NFATC2: variants seen among roughly 807,000 people sequenced by gnomAD.
NFATC2 encodes nuclear factor of activated T cells 2.
NFATC2 carries 22 observed loss-of-function variants against 87.3 expected under a neutral mutation model. That is an observed-to-expected ratio of 0.25 (90% confidence interval 0.18 to 0.36). The LOEUF is 0.36. Ranked by LOEUF, NFATC2 falls within the 10% of genes least tolerant of loss-of-function variation. NFATC2 has a pLI of 1.00. For synonymous variants in NFATC2, 565 were observed against 542.2 expected (o/e 1.04, Z -0.58); for missense variants, 1,149 against 1,259.1 (o/e 0.91, Z 1.32).
intron 3 of NFATC2, among the ~76,000 whole-genome samples, chr20:51,495,026 G>A (rs975684730): frequency 1.3e-5 from 2 of 152,168 alleles, no homozygotes; most frequent in African/African-American, 4.8e-5. Flanking sequence ...GCCTCCAGGT[G>A]GGGGCAAAGT....
chr20:51,426,339 G>A (rs535448691), intron 9 of NFATC2, among the ~76,000 whole-genome samples: 1 of 152,138 alleles, frequency 6.6e-6, no homozygotes, highest in Non-Finnish European at 1.5e-5. Flanking sequence ...TTAGCCAGGC[G>A]TGCTGGCAGG....
chr20:51,555,900 C>G (rs2076974295), intron 1 of NFATC2, among the ~76,000 whole-genome samples: 1 of 152,212 alleles, frequency 6.6e-6, no homozygotes, highest in Non-Finnish European at 1.5e-5. Context: ...CCTCCTGACC[C>G]TACCAAAAAA....
intron 1 of NFATC2, among the ~76,000 whole-genome samples, chr20:51,532,541 A>T (rs1254791770): frequency 6.6e-6 from 1 of 152,078 alleles, no homozygotes; most frequent in African/African-American, 2.4e-5. Flanking sequence ...CCCAGGATTG[A>T]GTCAAAGATT....
chr20:51,398,947 G>T, intron 9 of NFATC2: 1 of 529,664 alleles, frequency 1.9e-6, no homozygotes, highest in Non-Finnish European at 3.4e-6. Flanking sequence ...TCTGTGCAAA[G>T]TGCATTACAT....
At position 51,440,795 on chromosome 20, in the gene NFATC2, T is replaced by A. The variant is rs1249245304; in HGVS notation, c.1850-5034A>T. ...GTCTTTCTTGATTTTATGCAGCACG[T>A]GCAAGACACACTCCAGGAGGCTGGT... On this transcript the variant is annotated intron_variant, in intron 6 of 10. Coordinates refer to ENST00000371564, the MANE Select transcript of NFATC2 (RefSeq NM_012340.5). Among the ~76,000 whole-genome samples, 3 of 152,196 alleles carry A rather than the reference T, an allele frequency of 2.0e-5. No individual in the cohort carries two copies. The East Asian group carries it at 5.8e-4, about 29-fold the overall frequency.
intron 5 of NFATC2, among the ~76,000 whole-genome samples, chr20:51,461,224 C>T (rs1987112509): frequency 6.6e-6 from 1 of 152,190 alleles, no homozygotes; most frequent in Admixed American, 6.5e-5. Context: ...GGGTGGGAGG[C>T]TCTAAGGAAG....
chr20:51,405,937 C>T (rs1448439476), intron 9 of NFATC2, among the ~76,000 whole-genome samples: 7 of 152,310 alleles, frequency 4.6e-5, no homozygotes, highest in South Asian at 4.2e-4. Flanking sequence ...CCACCATGCC[C>T]GGCTAAACTT....
intron 3 of NFATC2, among the ~76,000 whole-genome samples, chr20:51,497,171 T>G (rs1315653846): frequency 6.6e-6 from 1 of 152,096 alleles, no homozygotes; most frequent in Non-Finnish European, 1.5e-5. Flanking sequence ...AAGTCTAACT[T>G]CTACCAAACC....
rs1362575265 is a variant in NFATC2, at chr20:51,542,586, C to T, written c.-87G>A. 8.0e-6 allele frequency: 10 copies of T among 1,247,334 alleles called. No individual in the cohort carries two copies. Among genetic ancestry groups the T allele is most frequent in the Non-Finnish European group, 1.0e-5 (10 of 991,734 alleles). 77.3% of individuals were successfully genotyped at this position (1,247,334 alleles called of 1,614,324 possible). A position where few individuals can be genotyped will look rare whatever the true frequency, so the allele number is the denominator to read the frequency against. On this transcript the variant is annotated 5_prime_UTR_variant, in exon 1 of 11. Coordinates refer to ENST00000371564, the MANE Select transcript of NFATC2 (RefSeq NM_012340.5). ...CCCCTCGCAGTGGGGCTGGCGGAGG[C>T]GGCTCGAGCGGCGGGGTCCCTTTCC...
chr20:51,477,893 A>C (rs1988894277), intron 3 of NFATC2, among the ~76,000 whole-genome samples: 1 of 152,174 alleles, frequency 6.6e-6, no homozygotes, highest in South Asian at 2.1e-4. Flanking sequence ...ATTAAGTAAA[A>C]TTGAAAATTC....
At chr20:51,483,354 A>AT (rs11481837) in intron 3 of NFATC2, among the ~76,000 whole-genome samples, 152,232 of 152,232 alleles carry the variant, frequency 1, 76,116 homozygotes, top group Non-Finnish European at 1. Flanking sequence ...GTTAAGTAGC[A>AT]TTTTGTTGAA....
chr20:51,550,708 C>T (rs1271562196), intron 1 of NFATC2, among the ~76,000 whole-genome samples: 2 of 152,116 alleles, frequency 1.3e-5, no homozygotes, highest in African/African-American at 4.8e-5. Flanking sequence ...TTACAGTCAC[C>T]TACGCAATTG....
chr20:51,443,462 C>T (rs1229426179), intron 6 of NFATC2, among the ~76,000 whole-genome samples: 2 of 152,188 alleles, frequency 1.3e-5, no homozygotes, highest in Admixed American at 6.5e-5. Context: ...CCTCTCCAGC[C>T]GCAGGACCCT....
chr20:51,469,386 C>T (rs1284338345), intron 5 of NFATC2, among the ~76,000 whole-genome samples: 1 of 152,134 alleles, frequency 6.6e-6, no homozygotes, highest in African/African-American at 2.4e-5. Context: ...ATGCTCTGGG[C>T]AGAGGTGACA....
intron 3 of NFATC2, among the ~76,000 whole-genome samples, chr20:51,486,804 C>T (rs74409041): frequency 1.5e-3 from 233 of 152,154 alleles, no homozygotes; most frequent in African/African-American, 5.0e-3. Context: ...GAACAGAATC[C>T]CTACGTTTGG....
chr20:51,499,876 C>G (rs2076050777), intron 3 of NFATC2, among the ~76,000 whole-genome samples: 1 of 152,106 alleles, frequency 6.6e-6, no homozygotes, highest in Admixed American at 6.6e-5. Flanking sequence ...ATAGTAGAAC[C>G]CAATTCATGG....
intron 7 of NFATC2, 123 bp downstream of exon 7, chr20:51,435,583 G>T: frequency 1.9e-6 from 2 of 1,063,466 alleles, no homozygotes; most frequent in Admixed American, 2.4e-5. Flanking sequence ...TGCACATATT[G>T]AGTACCTGTT....
At chr20:51,474,264 A>C in intron 4 of NFATC2, 112 bp from the exon 5 acceptor site, 6 of 1,270,982 alleles carry the variant, frequency 4.7e-6, no homozygotes, top group Admixed American at 2.3e-5. Context: ...CAATACACTC[A>C]CATAAGCATT....
At chr20:51,511,351 G>A (rs901957070) in intron 3 of NFATC2, among the ~76,000 whole-genome samples, 2 of 152,218 alleles carry the variant, frequency 1.3e-5, no homozygotes, top group African/African-American at 4.8e-5. Context: ...TACTGAGGGT[G>A]TGGACAGTCA....
Sources: gnomAD v4.1 joint callset for allele counts (sites outside exome capture counted in the v4.1 genomes callset) on GRCh38, gnomAD v4.1.1 for gene constraint, MANE v1.5 for transcripts, NCBI Gene and HGNC (gene_info 2026-07-23, HGNC 2026-07-21) for gene names.